Variants in CREBL2 observed in about 807,000 individuals in gnomAD.
CREBL2 encodes the protein cAMP-responsive element-binding protein-like 2.
In CREBL2, 4 loss-of-function variants were observed where a neutral mutation model predicts 19.5. The ratio of observed to expected loss-of-function variants is 0.20; its 90% CI spans 0.10 to 0.47. The LOEUF is 0.47. Among genes scored for constraint, CREBL2 ranks in the 20% least tolerant of loss-of-function variants. CREBL2 has a pLI of 0.98. For missense variants in CREBL2, 85 were observed against 145.1 expected, an observed-to-expected ratio of 0.59 and a Z score of 2.13; for synonymous variants, 42 against 46.6, an observed-to-expected ratio of 0.90 and a Z score of 0.40.
intron 1 of CREBL2, among the ~76,000 whole-genome samples, chr12:12,630,493 T>C (rs1223310114): frequency 6.6e-6 from 1 of 152,296 alleles, no homozygotes; most frequent in East Asian, 1.9e-4. Context: ...CTTTCTCTAA[T>C]GGTCCGTCTA....
chr12:12,635,959 A>G lies in CREBL2; in HGVS notation c.198A>G (p.Arg66=). The G allele has an allele frequency of 1.2e-6, 2 of 1,613,708 alleles. No homozygotes were observed. The highest frequency in any genetic ancestry group is 1.7e-6 in the Non-Finnish European group (2 of 1,179,838). ...GAGAAAGAGCTATATGTGCCCTCAG[A>G]GAGGAACTGGAAATGGTAAGAAATC... ...SSRERAICAL[R]EELEMYKQWC... The change falls in exon 2 of 4, where the codon AGA becomes AGG. Residue 66 remains arginine (R), a synonymous_variant. Coordinates refer to ENST00000228865, the MANE Select transcript of CREBL2 (RefSeq NM_001310.4).
intron 1 of CREBL2, chr12:12,614,244 C>G (rs1945290647): frequency 6.6e-6 from 1 of 152,290 alleles, no homozygotes; most frequent in South Asian, 2.1e-4. Context: ...ATCCGCCCAC[C>G]TCAGCCTCCC....
rs1247242121 is a variant in CREBL2, at chr12:12,643,073, C to T, written c.*1075C>T. The T allele has an allele frequency of 6.6e-6, 1 of 152,644 alleles. No individual in the cohort carries two copies. The allele number at this position is 152,644 out of a possible 1,614,324, so 9.5% of individuals were successfully genotyped here. On this transcript the variant is annotated 3_prime_UTR_variant, in exon 4 of 4. Transcript: ENST00000228865. ...TTAGTTTCTTCCCAGACATGAATTT[C>T]CTGACAGGCTCTGAGCCAGAAACAC... is the stretch of plus-strand genomic sequence containing the variant.
At chr12:12,612,926 CA>C (rs1370005628) in intron 1 of CREBL2, among the ~76,000 whole-genome samples, 3 of 152,190 alleles carry the variant, frequency 2.0e-5, no homozygotes, top group Admixed American at 1.3e-4. Context: ...GGCTGGAGTG[CA>C]ATGGCGCGAT....
chr12:12,616,314 G>A (rs1945311190), intron 1 of CREBL2, among the ~76,000 whole-genome samples: 1 of 152,174 alleles, frequency 6.6e-6, no homozygotes, highest in African/African-American at 2.4e-5. Context: ...GGTTCAAAAT[G>A]TCATTGTTTA....
intron 1 of CREBL2, 22 bp from the exon 2 acceptor site, chr12:12,635,755 T>C: frequency 1.3e-6 from 2 of 1,585,432 alleles, no homozygotes; most frequent in Non-Finnish European, 1.7e-6. Flanking sequence ...GAAAAAATTA[T>C]TTCTTCTCTC....
At chr12:12,638,105 ATGT>A (rs1222699912) in intron 3 of CREBL2, among the ~76,000 whole-genome samples, 3 of 152,078 alleles carry the variant, frequency 2.0e-5, no homozygotes, top group African/African-American at 4.8e-5. Context: ...TTTAAATAAA[ATGT>A]TGATGCCATT....
intron 3 of CREBL2, 21 bp from the exon 4 acceptor site, chr12:12,641,972 AT>A (rs1421152095): frequency 1.2e-5 from 19 of 1,529,176 alleles, no homozygotes; most frequent in Non-Finnish European, 1.7e-5. Flanking sequence ...ACATTCTTAC[AT>A]TGGTAACTTT....
At chr12:12,636,601 T>G (rs1028319883) in intron 2 of CREBL2, among the ~76,000 whole-genome samples, 4 of 152,054 alleles carry the variant, frequency 2.6e-5, no homozygotes, top group African/African-American at 9.7e-5. Context: ...TTTTGTATTT[T>G]TAGTAGAGAT....
chr12:12,617,876 C>G (rs371182731), intron 1 of CREBL2, among the ~76,000 whole-genome samples: 1,969 of 150,552 alleles, frequency 0.013, 37 homozygotes, highest in African/African-American at 0.042. Flanking sequence ...TGACTCTTAA[C>G]GAGCATGCTG....
At chr12:12,635,602 A>G (rs1945469074) in intron 1 of CREBL2, among the ~76,000 whole-genome samples, 175 bp from the exon 2 acceptor site, 1 of 152,230 alleles carries the variant, frequency 6.6e-6, no homozygotes, top group Admixed American at 6.5e-5. Context: ...CAAAAGTGTC[A>G]GAAAATAAAT....
intron 1 of CREBL2, chr12:12,614,983 G>A (rs150821430): frequency 2.6e-4 from 49 of 190,308 alleles, no homozygotes; most frequent in African/African-American, 9.2e-4. Context: ...CCAGTCTCCC[G>A]AGTAGGTGTG....
chr12:12,620,987 C>T (rs1945354348), intron 1 of CREBL2, among the ~76,000 whole-genome samples: 1 of 152,180 alleles, frequency 6.6e-6, no homozygotes, highest in Non-Finnish European at 1.5e-5. Flanking sequence ...AGGAATGAAT[C>T]TTTAAAGAAC....
chr12:12,618,655 G>A (rs1027678538), intron 1 of CREBL2, among the ~76,000 whole-genome samples: 1 of 152,176 alleles, frequency 6.6e-6, no homozygotes, highest in Non-Finnish European at 1.5e-5. Flanking sequence ...CTGCAGTCTC[G>A]GCACTTTGGG....
Position 12,612,063 on chromosome 12 carries a change from C to A in CREBL2, c.-110C>A, listed in dbSNP as rs1945270958. The stretch of plus-strand genomic sequence containing the variant: ...CGAACTGTTAGGCGAGAGGAGGAGG[C>A]AGCCAGAACCATATCCCCTTCTTCC... On this transcript the variant is annotated 5_prime_UTR_variant, in exon 1 of 4. Coordinates refer to ENST00000228865, the MANE Select transcript of CREBL2 (RefSeq NM_001310.4). The A allele has an allele frequency of 3.7e-6, 5 of 1,335,748 alleles. No homozygotes were observed. Among genetic ancestry groups the A allele is most frequent in the Non-Finnish European group, 5.3e-6 (5 of 946,610 alleles). 82.7% of individuals were successfully genotyped at this position (1,335,748 alleles called of 1,614,324 possible).
Position 12,611,984 on chromosome 12 carries a change from G to T in CREBL2, c.-189G>T. 3.0e-6 allele frequency: 2 copies of T among 658,270 alleles called. No individual in the cohort carries two copies. Among genetic ancestry groups the T allele is most frequent in the South Asian group, 1.9e-5 (1 of 51,474 alleles). The allele number at this position is 658,270 out of a possible 1,614,324, so 40.8% of individuals were successfully genotyped here. On this transcript the variant is annotated 5_prime_UTR_variant, in exon 1 of 4. Transcript: ENST00000228865. ...GCGTTTGGGGCCGCCTCCAGGGTCC[G>T]CTCTGCCATTCCTGAACTGGTCCCT...
At chr12:12,615,503 T>C (rs1241379152) in intron 1 of CREBL2, 3 of 152,220 alleles carry the variant, frequency 2.0e-5, no homozygotes, top group Non-Finnish European at 2.9e-5. Context: ...AACCTTCTTT[T>C]TTTTTTTTTC....
At chr12:12,641,888 A>C in intron 3 of CREBL2, 106 bp from the exon 4 acceptor site, 1 of 550,064 alleles carries the variant, frequency 1.8e-6, no homozygotes, top group African/African-American at 2.0e-5. Context: ...AATTAGCCTT[A>C]CTGAAGATAC....
At chr12:12,618,136 A>C (rs1300860263) in intron 1 of CREBL2, among the ~76,000 whole-genome samples, 1 of 152,236 alleles carries the variant, frequency 6.6e-6, no homozygotes, top group East Asian at 1.9e-4. Flanking sequence ...TCTATTCGAC[A>C]AAACTGCCAT....
Sources: allele counts gnomAD v4.1 joint callset (sites outside exome capture counted in the v4.1 genomes callset), GRCh38; gene constraint gnomAD v4.1.1; transcripts MANE v1.5; gene names NCBI Gene and HGNC (gene_info 2026-07-23, HGNC 2026-07-21).